NRXN1: variants seen among roughly 807,000 people sequenced by gnomAD.
NRXN1 encodes the protein neurexin-1.
In NRXN1, 39 loss-of-function variants were observed where a neutral mutation model predicts 150.9. The ratio of observed to expected loss-of-function variants is 0.26; its 90% CI spans 0.20 to 0.34. The LOEUF (loss-of-function observed/expected upper bound fraction) is 0.34. Among genes scored for constraint, NRXN1 ranks in the 10% least tolerant of loss-of-function variants. NRXN1 has a pLI of 1.00. For synonymous variants in NRXN1, 924 were observed against 757.0 expected (o/e 1.22, Z -3.62); for missense variants, 1,815 against 1,949.9 (o/e 0.93, Z 1.30).
At chr2:50,880,900 C>T (rs1679332529) in intron 5 of NRXN1, among the ~76,000 whole-genome samples, 1 of 151,906 alleles carries the variant, frequency 6.6e-6, no homozygotes, top group Non-Finnish European at 1.5e-5. Context: ...TTAAGCAATG[C>T]TTGTAATAAG....
intron 2 of NRXN1, among the ~76,000 whole-genome samples, chr2:50,936,268 G>A (rs1336353519): frequency 3.9e-5 from 6 of 152,074 alleles, no homozygotes; most frequent in Non-Finnish European, 7.4e-5. Flanking sequence ...CCTGGTATTA[G>A]AACAACTTGA....
intron 5 of NRXN1, among the ~76,000 whole-genome samples, chr2:50,634,251 C>T (rs928429141): frequency 3.3e-5 from 5 of 152,250 alleles, no homozygotes; most frequent in Admixed American, 6.5e-5. Context: ...ATAAACTCTG[C>T]GTAGGCATGG....
intron 18 of NRXN1, among the ~76,000 whole-genome samples, chr2:50,128,981 C>CTAAATAAATAAA (rs1705043914): frequency 8.6e-6 from 1 of 115,942 alleles, no homozygotes; most frequent in African/African-American, 3.8e-5. Flanking sequence ...GAGACTCCAT[C>CTAAATAAATAAA]TCAATAAATA....
chr2:50,791,831 T>C (rs1004749965), intron 5 of NRXN1, among the ~76,000 whole-genome samples: 4 of 152,122 alleles, frequency 2.6e-5, no homozygotes, highest in Non-Finnish European at 4.4e-5. Context: ...TGGGTCCTTA[T>C]CTGCTTGTAT....
chr2:50,347,265 G>C lies in NRXN1; in HGVS notation c.3365-110295C>G, dbSNP rs954877069. ...CAGATTTCCAGGGCTCCAGGTTCTC[G>C]AGAGATACTCCCAAAGAGTTTCGGG... is the stretch of plus-strand genomic sequence containing the variant. On this transcript the variant is annotated intron_variant, in intron 17 of 22. Coordinates refer to ENST00000401669, the MANE Select transcript of NRXN1 (RefSeq NM_001330078.2). This position sits in a 1 kb window ranked among gnomAD's most constrained non-coding sequence, Gnocchi z 4.9. 4 of 1,313,778 alleles carry C rather than the reference G, an allele frequency of 3.0e-6. No homozygotes were observed. Among genetic ancestry groups the C allele is most frequent in the South Asian group, 2.5e-5 (2 of 81,108 alleles). The allele number at this position is 1,313,778 out of a possible 1,614,324, so 81.4% of individuals were successfully genotyped here.
intron 21 of NRXN1, among the ~76,000 whole-genome samples, chr2:50,009,829 C>A (rs888300356): frequency 3.9e-5 from 6 of 152,034 alleles, no homozygotes; most frequent in Admixed American, 6.6e-5. Context: ...TGTTTTTCTG[C>A]ACAGAAAATT....
At chr2:50,568,962 T>C (rs1263991711) in intron 8 of NRXN1, among the ~76,000 whole-genome samples, 1 of 152,074 alleles carries the variant, frequency 6.6e-6, no homozygotes, top group Non-Finnish European at 1.5e-5. Flanking sequence ...TATTTATCCA[T>C]AAAAAAGAAT....
At chr2:50,402,149 G>A (rs1239443504) in intron 17 of NRXN1, among the ~76,000 whole-genome samples, 2 of 152,046 alleles carry the variant, frequency 1.3e-5, no homozygotes, top group African/African-American at 4.8e-5. Context: ...AAATTAATCT[G>A]TAGCAGAAGA....
At chr2:50,405,570 G>A (rs977096424) in intron 17 of NRXN1, among the ~76,000 whole-genome samples, 2 of 152,090 alleles carry the variant, frequency 1.3e-5, no homozygotes, top group Admixed American at 1.3e-4. Context: ...CCAATTTGGG[G>A]ACTGAAATAA....
chr2:50,967,796 C>G (rs894699794), intron 2 of NRXN1, among the ~76,000 whole-genome samples: 1 of 151,858 alleles, frequency 6.6e-6, no homozygotes, highest in African/African-American at 2.4e-5. Context: ...GCAACCTGCA[C>G]CATTTCTAAG....
At chr2:50,702,499 T>C (rs1414970013) in intron 5 of NRXN1, among the ~76,000 whole-genome samples, 2 of 152,102 alleles carry the variant, frequency 1.3e-5, no homozygotes, top group Non-Finnish European at 2.9e-5. Context: ...TCAATATAAC[T>C]CAAAGAAGAA....
At chr2:50,964,071 C>T (rs1693656425) in intron 2 of NRXN1, 1 of 370,758 alleles carries the variant, frequency 2.7e-6, no homozygotes, top group Admixed American at 3.3e-5. Context: ...GTATTAAGAT[C>T]CAGTTATGCT....
chr2:50,005,958 A>G (rs1684691702), intron 21 of NRXN1, among the ~76,000 whole-genome samples: 1 of 152,178 alleles, frequency 6.6e-6, no homozygotes, highest in South Asian at 2.1e-4. Flanking sequence ...TTCTGAAAGT[A>G]TAACTTGCCA....
In NRXN1 at chr2:50,827,813, G is replaced by C. The variant is rs376204771; in HGVS notation, c.832+94056C>G. On this transcript the variant is annotated intron_variant, in intron 5 of 22. Coordinates refer to ENST00000401669, the MANE Select transcript of NRXN1 (RefSeq NM_001330078.2). ...TTAGGGAGTGGTGATGACTCTTAAC[G>C]AGCATGCTGCCTTCAAGCATCTGTT... 3.9e-4 allele frequency among the ~76,000 whole-genome samples: 59 copies of C among 150,602 alleles called. No individual in the cohort carries two copies. The East Asian group carries it at 0.01, about 26-fold the overall frequency.
intron 5 of NRXN1, among the ~76,000 whole-genome samples, chr2:50,655,162 C>A (rs903797458): frequency 2.0e-5 from 3 of 151,644 alleles, no homozygotes; most frequent in South Asian, 2.1e-4. Flanking sequence ...GTGAGCCATA[C>A]TTTTCTTGTG....
At chr2:50,514,130 T>G (rs767650083) in intron 12 of NRXN1, among the ~76,000 whole-genome samples, 3 of 152,170 alleles carry the variant, frequency 2.0e-5, no homozygotes, top group African/African-American at 4.8e-5. Flanking sequence ...CTTACTCAAT[T>G]AAACCATTTA....
intron 17 of NRXN1, among the ~76,000 whole-genome samples, chr2:50,447,040 T>G (rs2086476579): frequency 1.3e-5 from 2 of 152,268 alleles, no homozygotes; most frequent in South Asian, 4.1e-4. Flanking sequence ...TTTAGATCTC[T>G]CTAATAATGA....
intron 5 of NRXN1, among the ~76,000 whole-genome samples, chr2:50,767,843 A>G (rs1348693809): frequency 3.3e-5 from 5 of 152,112 alleles, no homozygotes; most frequent in African/African-American, 1.2e-4. Flanking sequence ...TTAATATTTA[A>G]GTAATCCTAA....
intron 5 of NRXN1, among the ~76,000 whole-genome samples, chr2:50,858,319 G>A (rs936578154): frequency 1.3e-5 from 2 of 151,964 alleles, no homozygotes; most frequent in African/African-American, 4.8e-5. Flanking sequence ...CACCACCATT[G>A]TCTCACTGTT....
Sources: gnomAD v4.1 joint callset for allele counts (sites outside exome capture counted in the v4.1 genomes callset) on GRCh38, gnomAD v4.1.1 for gene constraint, Gnocchi (gnomAD v3.1) non-coding constraint, MANE v1.5 for transcripts, NCBI Gene and HGNC (gene_info 2026-07-23, HGNC 2026-07-21) for gene names.